VAT1L: variants seen among roughly 807,000 people sequenced by gnomAD.
VAT1L encodes putative NADPH-dependent quinone oxidoreductase VAT1L.
A neutral mutation model predicts 44.1 loss-of-function variants in VAT1L; 34 were observed. That is an observed-to-expected ratio of 0.77 (90% confidence interval 0.59 to 1.03). VAT1L has a LOEUF of 1.03. Ranked by LOEUF, VAT1L falls within the 50% of genes least tolerant of loss-of-function variation. The probability of loss-of-function intolerance (pLI) is 0.00; values close to 1 mark genes in which losing one functional copy is unlikely to be tolerated. For synonymous variants in VAT1L, 253 were observed against 202.2 expected (o/e 1.25, Z -2.13); for missense variants, 615 against 538.8 (o/e 1.14, Z -1.40).
At chr16:77,790,033 A>G (rs577849092) in intron 1 of VAT1L, among the ~76,000 whole-genome samples, 1 of 152,190 alleles carries the variant, frequency 6.6e-6, no homozygotes, top group Non-Finnish European at 1.5e-5. Context: ...TCTCCAAAGC[A>G]GCAGCCAGCT....
chr16:77,842,532 C>A (rs1466575669), intron 3 of VAT1L, among the ~76,000 whole-genome samples: 1 of 152,114 alleles, frequency 6.6e-6, no homozygotes, highest in African/African-American at 2.4e-5. Context: ...TAGCAGAGTT[C>A]TTAAATAGGA....
chr16:77,883,259 C>A (rs1043153250), intron 6 of VAT1L, among the ~76,000 whole-genome samples: 8 of 152,122 alleles, frequency 5.3e-5, no homozygotes, highest in African/African-American at 1.9e-4. Context: ...CTAGAATCCC[C>A]CAGAAACTGG....
chr16:77,889,370 G>C (rs894219781), intron 7 of VAT1L, among the ~76,000 whole-genome samples: 1 of 152,198 alleles, frequency 6.6e-6, no homozygotes, highest in Non-Finnish European at 1.5e-5. Context: ...ATGTGCAGCT[G>C]TACGTTAAGT....
intron 2 of VAT1L, among the ~76,000 whole-genome samples, chr16:77,820,001 T>G (rs1157015070): frequency 6.6e-6 from 1 of 152,236 alleles, no homozygotes; most frequent in Non-Finnish European, 1.5e-5. Context: ...TATACCCATT[T>G]CAGAGCTGAG....
chr16:77,957,603 T>G (rs959954118), intron 7 of VAT1L, among the ~76,000 whole-genome samples: 1 of 151,934 alleles, frequency 6.6e-6, no homozygotes, highest in African/African-American at 2.4e-5. Flanking sequence ...CACGTGCCTG[T>G]AATCCCAGCT....
At chr16:77,874,097 G>A (rs569942219) in intron 4 of VAT1L, among the ~76,000 whole-genome samples, 6 of 152,010 alleles carry the variant, frequency 3.9e-5, no homozygotes, top group Non-Finnish European at 7.4e-5. Context: ...AGATGTGAGG[G>A]GCATCAGAGG....
intron 1 of VAT1L, among the ~76,000 whole-genome samples, chr16:77,804,288 C>T (rs1039325523): frequency 3.9e-5 from 6 of 152,086 alleles, no homozygotes; most frequent in Non-Finnish European, 8.8e-5. Context: ...TGCTGTGTCC[C>T]GAGGAGGGGC....
intron 7 of VAT1L, among the ~76,000 whole-genome samples, chr16:77,889,368 C>T (rs1232562778): frequency 6.6e-6 from 1 of 152,146 alleles, no homozygotes; most frequent in Non-Finnish European, 1.5e-5. Context: ...AAATGTGCAG[C>T]TGTACGTTAA....
At chr16:77,852,561 G>C (rs1370368874) in intron 3 of VAT1L, among the ~76,000 whole-genome samples, 1 of 152,166 alleles carries the variant, frequency 6.6e-6, no homozygotes, top group Non-Finnish European at 1.5e-5. Flanking sequence ...CTGAGCCTCA[G>C]TTTCCAATGA....
chr16:77,955,914 C>T (rs969871379), intron 7 of VAT1L, among the ~76,000 whole-genome samples: 1 of 152,174 alleles, frequency 6.6e-6, no homozygotes, highest in Non-Finnish European at 1.5e-5. Context: ...GGCAACAGTG[C>T]ATCAAGCCTG....
intron 1 of VAT1L, among the ~76,000 whole-genome samples, chr16:77,791,350 C>T (rs2015832052): frequency 6.6e-6 from 1 of 152,054 alleles, no homozygotes; most frequent in Non-Finnish European, 1.5e-5. Context: ...TCCATTTGAA[C>T]CAGTATTAGA....
At chr16:77,824,649 G>C (rs1198338872) in intron 2 of VAT1L, among the ~76,000 whole-genome samples, 2 of 150,848 alleles carry the variant, frequency 1.3e-5, no homozygotes, top group Non-Finnish European at 3.0e-5. Context: ...CCAGCTACTC[G>C]GGAGGCTGAG....
chr16:77,848,176 C>T (rs1257918828), intron 3 of VAT1L, among the ~76,000 whole-genome samples: 1 of 152,160 alleles, frequency 6.6e-6, no homozygotes, highest in Non-Finnish European at 1.5e-5. Flanking sequence ...CTGTGGACAG[C>T]ATATTCTAAA....
At chr16:77,854,602 A>C (rs571990256) in intron 3 of VAT1L, among the ~76,000 whole-genome samples, 2 of 152,214 alleles carry the variant, frequency 1.3e-5, no homozygotes, top group Non-Finnish European at 2.9e-5. Context: ...ATTTTGTGAT[A>C]ATTTTCAGTT....
intron 2 of VAT1L, 109 bp from the exon 3 acceptor site, chr16:77,825,137 G>C (rs940058052): frequency 5.9e-6 from 7 of 1,190,496 alleles, no homozygotes; most frequent in South Asian, 1.3e-5. Flanking sequence ...AAAGTGCTGG[G>C]ATTATACGCA....
chr16:77,952,362 G>C lies in VAT1L; in HGVS notation c.1078-19488G>C, dbSNP rs577766358. ...GATGGGGCCTAGTGGGAGGTGTTCG[G>C]ATCAGGGGAGCAGGTCCCTCATGAA... On this transcript the variant is annotated intron_variant, in intron 7 of 8. Transcript: ENST00000302536. 3.9e-4 allele frequency among the ~76,000 whole-genome samples: 59 copies of C among 152,216 alleles called. No individual in the cohort carries two copies. In the South Asian group the frequency reaches 4.4e-3, roughly 11 times the overall value.
At chr16:77,854,547 G>A (rs1465738885) in intron 3 of VAT1L, among the ~76,000 whole-genome samples, 1 of 152,070 alleles carries the variant, frequency 6.6e-6, no homozygotes, top group Non-Finnish European at 1.5e-5. Context: ...AGCTTGTATT[G>A]TTGTAAGAAA....
At chr16:77,903,429 G>A (rs997691578) in intron 7 of VAT1L, among the ~76,000 whole-genome samples, 3 of 152,232 alleles carry the variant, frequency 2.0e-5, no homozygotes, top group African/African-American at 4.8e-5. Context: ...CTGATCCTTA[G>A]TTTCTGAGGG....
chr16:77,956,080 T>C (rs910329351), intron 7 of VAT1L, among the ~76,000 whole-genome samples: 4 of 152,146 alleles, frequency 2.6e-5, no homozygotes, highest in Admixed American at 1.3e-4. Flanking sequence ...AAGAGTATAA[T>C]TGGATTGTTT....
Sources: allele counts gnomAD v4.1 joint callset (sites outside exome capture counted in the v4.1 genomes callset), GRCh38; gene constraint gnomAD v4.1.1; transcripts MANE v1.5; gene names NCBI Gene and HGNC (gene_info 2026-07-23, HGNC 2026-07-21).